Variants in XKR6 observed in about 807,000 individuals in gnomAD.
XKR6 encodes XK related 6, also known as XK-related protein 6.
A neutral mutation model predicts 56.7 loss-of-function variants in XKR6; 22 were observed. That is an observed-to-expected ratio of 0.39 (90% CI 0.28 to 0.55). The LOEUF (loss-of-function observed/expected upper bound fraction) is 0.55. Among genes scored for constraint, XKR6 ranks in the 20% least tolerant of loss-of-function variants. The pLI is 0.66. For synonymous variants in XKR6, 524 were observed against 387.8 expected (o/e 1.35, Z -4.13); for missense variants, 852 against 889.0 (o/e 0.96, Z 0.53).
chr8:11,160,911 CAA>C (rs33931830), intron 1 of XKR6, among the ~76,000 whole-genome samples: 4 of 63,774 alleles, frequency 6.3e-5, no homozygotes, highest in African/African-American at 2.0e-4. Flanking sequence ...GACTCCGTCT[CAA>C]AAAAAAAAAA....
chr8:10,993,686 C>A (rs1202426988), intron 1 of XKR6, among the ~76,000 whole-genome samples: 3 of 152,216 alleles, frequency 2.0e-5, no homozygotes, highest in African/African-American at 7.2e-5. Context: ...ACACTGGGAG[C>A]CCCTTTGTCT....
intron 1 of XKR6, among the ~76,000 whole-genome samples, chr8:10,955,659 G>A (rs1460574307): frequency 6.6e-6 from 1 of 152,188 alleles, no homozygotes; most frequent in Non-Finnish European, 1.5e-5. Context: ...AGAGCTGGGA[G>A]GTGAACCCAA....
chr8:11,095,308 A>G (rs1312636414), intron 1 of XKR6, among the ~76,000 whole-genome samples: 2 of 152,268 alleles, frequency 1.3e-5, no homozygotes, highest in East Asian at 1.9e-4. Context: ...CTTGGTTTTA[A>G]GAATTATATG....
intron 1 of XKR6, among the ~76,000 whole-genome samples, chr8:11,121,897 A>C (rs1470922732): frequency 6.6e-6 from 1 of 152,230 alleles, no homozygotes; most frequent in African/African-American, 2.4e-5. Context: ...GACGTGGATG[A>C]AGCTGGAAAC....
chr8:10,995,769 G>A (rs1446374762), intron 1 of XKR6, among the ~76,000 whole-genome samples: 8 of 152,044 alleles, frequency 5.3e-5, no homozygotes, highest in African/African-American at 1.9e-4. Context: ...TACGATGAAG[G>A]CTGCACCTGG....
Position 11,090,976 on chromosome 8 carries a change from G to C in XKR6, c.764+109600C>G, listed in dbSNP as rs531838812. 3.3e-5 allele frequency among the ~76,000 whole-genome samples: 5 copies of C among 152,246 alleles called. No individual in the cohort carries two copies. In the South Asian group the frequency reaches 1.0e-3, roughly 32 times the overall value. Reference sequence around the variant, plus strand: ...ACGTTAACCCAGCTGTAATGGAAAAGAGGCACAACTCGAGCCCAGGTCTCT... The same window carrying C: ...ACGTTAACCCAGCTGTAATGGAAAACAGGCACAACTCGAGCCCAGGTCTCT... On this transcript the variant is annotated intron_variant, in intron 1 of 2. Transcript: ENST00000416569.
chr8:11,125,214 C>T (rs897079617), intron 1 of XKR6, among the ~76,000 whole-genome samples: 2 of 152,052 alleles, frequency 1.3e-5, no homozygotes, highest in Non-Finnish European at 2.9e-5. Context: ...CCCTGCTCAC[C>T]CTGCTAAGGA....
chr8:11,177,065 T>G (rs778279177), intron 1 of XKR6, among the ~76,000 whole-genome samples: 1 of 152,186 alleles, frequency 6.6e-6, no homozygotes, highest in Non-Finnish European at 1.5e-5. Context: ...GCTAAGGATC[T>G]GAGAACTTGT....
chr8:11,154,772 G>T (rs901895868), intron 1 of XKR6, among the ~76,000 whole-genome samples: 10 of 152,144 alleles, frequency 6.6e-5, no homozygotes, highest in African/African-American at 1.9e-4. Context: ...CCTATAAACA[G>T]GGTCTACCCT....
At chr8:11,028,438 A>G (rs1296822797) in intron 1 of XKR6, among the ~76,000 whole-genome samples, 1 of 152,232 alleles carries the variant, frequency 6.6e-6, no homozygotes, top group East Asian at 1.9e-4. Flanking sequence ...TTGTGGACAT[A>G]ATTTTCAATT....
At chr8:11,013,807 C>T (rs1391776471) in intron 1 of XKR6, among the ~76,000 whole-genome samples, 1 of 152,236 alleles carries the variant, frequency 6.6e-6, no homozygotes, top group Non-Finnish European at 1.5e-5. Flanking sequence ...GGGTTCCTTA[C>T]ACAGAAGGAA....
chr8:10,935,045 G>A (rs1341221313), intron 1 of XKR6, among the ~76,000 whole-genome samples: 7 of 90,678 alleles, frequency 7.7e-5, no homozygotes, highest in African/African-American at 5.8e-5. Context: ...CTTTTTGGTT[G>A]GTAAACTATT....
intron 1 of XKR6, among the ~76,000 whole-genome samples, chr8:11,013,954 C>G (rs944384238): frequency 6.6e-6 from 1 of 152,216 alleles, no homozygotes; most frequent in African/African-American, 2.4e-5. Flanking sequence ...AGACCCAAAT[C>G]CATTCCCAGT....
chr8:11,144,142 G>A (rs1372095170), intron 1 of XKR6, among the ~76,000 whole-genome samples: 1 of 151,764 alleles, frequency 6.6e-6, no homozygotes, highest in Non-Finnish European at 1.5e-5. Flanking sequence ...ATATGAATTT[G>A]CTGAGGGGGC....
chr8:11,109,378 T>C (rs925072635), intron 1 of XKR6: 5 of 152,328 alleles, frequency 3.3e-5, no homozygotes, highest in African/African-American at 1.2e-4. Context: ...TTTAGCTAAG[T>C]TAATCTTTGA....
chr8:11,094,187 A>G (rs1000786287), intron 1 of XKR6, among the ~76,000 whole-genome samples: 1 of 151,540 alleles, frequency 6.6e-6, no homozygotes, highest in African/African-American at 2.4e-5. Context: ...AAGACTTTCC[A>G]TAAGCCCACA....
intron 1 of XKR6, among the ~76,000 whole-genome samples, chr8:11,011,832 G>A (rs1798505734): frequency 6.6e-6 from 1 of 152,200 alleles, no homozygotes; most frequent in Non-Finnish European, 1.5e-5. Flanking sequence ...ACTTGCTTCT[G>A]GGTCCACTGC....
intron 1 of XKR6, among the ~76,000 whole-genome samples, chr8:11,186,799 C>T (rs895774306): frequency 2.0e-5 from 3 of 152,204 alleles, no homozygotes; most frequent in African/African-American, 4.8e-5. Context: ...TACCACCCCA[C>T]GACAAACAAT....
At chr8:10,941,873 C>A (rs1416708447) in intron 1 of XKR6, among the ~76,000 whole-genome samples, 1 of 152,220 alleles carries the variant, frequency 6.6e-6, no homozygotes, top group East Asian at 1.9e-4. Flanking sequence ...CACATAGAAC[C>A]CCAACGGCCC....
Sources: gnomAD v4.1 joint callset for allele counts (sites outside exome capture counted in the v4.1 genomes callset) on GRCh38, gnomAD v4.1.1 for gene constraint, MANE v1.5 for transcripts, NCBI Gene and HGNC (gene_info 2026-07-23, HGNC 2026-07-21) for gene names.